The following UTY variants were observed in gnomAD, a reference collection of about 807,000 sequenced individuals.
The protein encoded by UTY is ubiquitously transcribed tetratricopeptide repeat containing, Y-linked.
A neutral mutation model predicts 32.5 loss-of-function variants in UTY; 12 were observed. That is an observed-to-expected ratio of 0.37 (90% confidence interval 0.24 to 0.60). The LOEUF (loss-of-function observed/expected upper bound fraction) is 0.60. UTY is among the 20% of genes least tolerant of loss of function. The pLI is 0.69. For missense variants in UTY, 303 were observed against 299.2 expected (o/e 1.01, Z -0.09); for synonymous variants, 131 against 103.4 (o/e 1.27, Z -1.62).
At chrY:13,381,119 T>C in intron 8 of UTY, among the ~76,000 whole-genome samples, 2 of 34,212 alleles carry the variant, frequency 5.8e-5, no homozygotes, top group Non-Finnish European at 1.5e-4. Flanking sequence ...ATGACAAGAA[T>C]GATACAGGGA....
In UTY at chrY:13,369,298, T is replaced by C. The variant is rs1474835561; in HGVS notation, c.697A>G (p.Asn233Asp). The C allele has an allele frequency of 2.7e-6, 1 of 371,165 alleles. No homozygotes were observed. The highest frequency in any genetic ancestry group is 3.7e-6 in the Non-Finnish European group (1 of 268,633). 92.6% of individuals were successfully genotyped at this position (371,165 alleles called of 400,897 possible). Reference sequence around the variant, plus strand: ...GTTGCTTTTACTTGTGCAGGAAGGTTTTCTGTCTGCAAAAGTTGTTCATAT... The same window carrying C: ...GTTGCTTTTACTTGTGCAGGAAGGTCTTCTGTCTGCAAAAGTTGTTCATAT... The part of the protein sequence containing the change: ...EAYEQLLQTE[N>D]LPAQVKATVL... The change falls in exon 9 of 30, where the codon AAC becomes GAC. Residue 233 changes from asparagine (N) to aspartate (D), a missense_variant. By Grantham distance (23) the Asn-to-Asp change is conservative. Coordinates refer to ENST00000545955, the MANE Select transcript of UTY (RefSeq NM_001258249.2).
intron 17 of UTY, among the ~76,000 whole-genome samples, chrY:13,351,818 C>T: frequency 3.0e-5 from 1 of 33,822 alleles, no homozygotes; most frequent in African/African-American, 1.2e-4. Flanking sequence ...TAAATTACCA[C>T]GTAGTCCAGA....
Position 13,248,980 on chromosome Y carries a change from G to A in UTY, c.*876C>T. On this transcript the variant is annotated 3_prime_UTR_variant, in exon 30 of 30. Coordinates refer to ENST00000545955, the MANE Select transcript of UTY (RefSeq NM_001258249.2). ...TAAAATACATATAATCATTAGGTTT[G>A]AAAATGAACAAAAAGTGGATTTTTT... 1 of 38,191 alleles carries A rather than the reference G, an allele frequency of 2.6e-5. No homozygotes were observed. The highest frequency in any genetic ancestry group is 1.1e-4 in the African/African-American group (1 of 8,801). 9.5% of individuals were successfully genotyped at this position (38,191 alleles called of 400,897 possible).
chrY:13,364,908 C>T, intron 10 of UTY, among the ~76,000 whole-genome samples: 1 of 33,425 alleles, frequency 3.0e-5, no homozygotes, highest in East Asian at 7.8e-4. Context: ...CCTACCATAA[C>T]GAACAATAAT....
At chrY:13,253,755 C>T in intron 28 of UTY, among the ~76,000 whole-genome samples, 1 of 33,314 alleles carries the variant, frequency 3.0e-5, no homozygotes, top group Non-Finnish European at 7.4e-5. Context: ...TTGTCTTACT[C>T]CTGCTTAGTT....
intron 27 of UTY, among the ~76,000 whole-genome samples, chrY:13,264,587 T>A: frequency 3.0e-5 from 1 of 33,577 alleles, no homozygotes; most frequent in East Asian, 7.7e-4. Context: ...TCTGTTTATA[T>A]CCTTAGCCCA....
intron 26 of UTY, 93 bp downstream of exon 26, chrY:13,298,864 C>T: frequency 7.1e-6 from 1 of 140,396 alleles, no homozygotes; most frequent in Non-Finnish European, 1.0e-5. Flanking sequence ...GATACTATTT[C>T]TATTTTCAGT....
downstream of UTY, among the ~76,000 whole-genome samples, chrY:13,245,660 C>T (rs903925887): frequency 2.9e-5 from 1 of 34,236 alleles, no homozygotes; most frequent in Non-Finnish European, 7.3e-5. Context: ...CTTCCCTGGA[C>T]TTTTAGTCTT....
At chrY:13,243,854 G>C, downstream of UTY, among the ~76,000 whole-genome samples, 1 of 32,777 alleles carries the variant, frequency 3.1e-5, no homozygotes, top group Non-Finnish European at 7.5e-5. Flanking sequence ...CTGTCTCCCA[G>C]GCTAGCGGCA....
At chrY:13,261,046 T>G (rs745856207) in intron 27 of UTY, among the ~76,000 whole-genome samples, 14 of 33,655 alleles carry the variant, frequency 4.2e-4, no homozygotes, top group Non-Finnish European at 8.9e-4. Context: ...CAATTACAAA[T>G]ACTGCTGATT....
intron 28 of UTY, among the ~76,000 whole-genome samples, chrY:13,254,725 A>T (rs2148386931): frequency 3.0e-5 from 1 of 33,541 alleles, no homozygotes; most frequent in African/African-American, 1.2e-4. Flanking sequence ...TAGGTTTAAA[A>T]GGGGTACAAA....
At chrY:13,445,873 A>G in intron 4 of UTY, among the ~76,000 whole-genome samples, 1 of 33,249 alleles carries the variant, frequency 3.0e-5, no homozygotes. Context: ...GATTCTGTCA[A>G]TGACTCATTT....
chrY:13,357,064 T>A, intron 15 of UTY, among the ~76,000 whole-genome samples: 1 of 32,329 alleles, frequency 3.1e-5, no homozygotes, highest in Non-Finnish European at 7.5e-5. Context: ...AATCAAAGAA[T>A]AGAGAAGCAA....
chrY:13,335,419 CA>C, intron 18 of UTY, 143 bp downstream of exon 18: 2 of 181,763 alleles, frequency 1.1e-5, no homozygotes, highest in Non-Finnish European at 1.9e-5. Context: ...TATAAAACAA[CA>C]AAAAAAATTG....
intron 10 of UTY, among the ~76,000 whole-genome samples, chrY:13,362,519 T>C: frequency 2.9e-5 from 1 of 33,900 alleles, no homozygotes; most frequent in Non-Finnish European, 7.4e-5. Flanking sequence ...TAAATAAATA[T>C]TCAACACAGC....
intron 21 of UTY, among the ~76,000 whole-genome samples, chrY:13,318,704 T>C (rs2059651949): frequency 6.0e-5 from 2 of 33,279 alleles, no homozygotes; most frequent in African/African-American, 2.4e-4. Context: ...TTTGGTTTTC[T>C]ATCCCCTTTT....
At chrY:13,397,095 C>T in intron 6 of UTY, 123 bp from the exon 7 acceptor site, 2 of 90,217 alleles carry the variant, frequency 2.2e-5, no homozygotes, top group Admixed American at 1.9e-4. Flanking sequence ...CAATGCACTA[C>T]ACTCGACCAA....
At chrY:13,476,413 T>C (rs2079060078) in intron 2 of UTY, among the ~76,000 whole-genome samples, 1 of 32,402 alleles carries the variant, frequency 3.1e-5, no homozygotes, top group Non-Finnish European at 7.4e-5. Flanking sequence ...TAACGCAAGA[T>C]CTTAAATATC....
chrY:13,300,218 G>T, intron 25 of UTY: 1 of 33,629 alleles, frequency 3.0e-5, no homozygotes, highest in Admixed American at 2.7e-4. Flanking sequence ...ACAAAATTAT[G>T]AAGTTTTAAT....
Sources: allele counts gnomAD v4.1 joint callset (sites outside exome capture counted in the v4.1 genomes callset), GRCh38; gene constraint gnomAD v4.1.1; transcripts MANE v1.5; gene names NCBI Gene and HGNC (gene_info 2026-07-23, HGNC 2026-07-21).